CLDN16: variants seen among roughly 807,000 people sequenced by gnomAD.
CLDN16 encodes the protein claudin-16.
A neutral mutation model predicts 24.6 loss-of-function variants in CLDN16; 13 were observed. That is an observed-to-expected ratio of 0.53 (90% CI 0.34 to 0.84). The LOEUF is 0.84. CLDN16 is among the 40% of genes least tolerant of loss of function. The pLI is 0.01. For synonymous variants in CLDN16, 116 were observed against 106.7 expected (o/e 1.09, Z -0.54); for missense variants, 298 against 292.7 (o/e 1.02, Z -0.13).
chr3:190,398,002 G>A (rs1057465897), intron 1 of CLDN16, among the ~76,000 whole-genome samples: 1 of 152,178 alleles, frequency 6.6e-6, no homozygotes, highest in Non-Finnish European at 1.5e-5. Context: ...TTGTTTCAGT[G>A]GCTGGCTTAT....
At chr3:190,306,359 A>T in the CLDN16 span, 29 of 152,360 alleles carry the variant, frequency 1.9e-4, 1 homozygote, top group Admixed American at 1.6e-3. Flanking sequence ...CACTTGAGAG[A>T]CTGGTTAAGG....
At chr3:190,371,920 C>T (rs984273943) in intron 2 of CLDN16, among the ~76,000 whole-genome samples, 1 of 151,916 alleles carries the variant, frequency 6.6e-6, no homozygotes. Flanking sequence ...GAACATCTAC[C>T]TGGCTGGGCT....
chr3:190,290,479 C>A, the CLDN16 span, among the ~76,000 whole-genome samples: 4 of 152,120 alleles, frequency 2.6e-5, no homozygotes, highest in African/African-American at 4.8e-5. Flanking sequence ...CTCTTTCAGT[C>A]CTAGGTGGAA....
At chr3:190,295,631 T>C in the CLDN16 span, among the ~76,000 whole-genome samples, 1 of 152,166 alleles carries the variant, frequency 6.6e-6, no homozygotes, top group Non-Finnish European at 1.5e-5. Context: ...GATCAGTACT[T>C]GAACTCAGAA....
At chr3:190,344,379 G>A (rs1717506199) in intron 1 of CLDN16, among the ~76,000 whole-genome samples, 1 of 151,668 alleles carries the variant, frequency 6.6e-6, no homozygotes, top group Admixed American at 6.6e-5. Context: ...CAGATAAATT[G>A]CTATTAAATA....
chr3:190,296,758 G>A, the CLDN16 span, among the ~76,000 whole-genome samples: 1,255 of 151,858 alleles, frequency 8.3e-3, 26 homozygotes, highest in African/African-American at 0.029. Context: ...CACCGTGTTA[G>A]CCAGGATGGT....
intron 1 of CLDN16, among the ~76,000 whole-genome samples, chr3:190,390,541 A>C (rs1718623904): frequency 6.6e-6 from 1 of 151,968 alleles, no homozygotes; most frequent in African/African-American, 2.4e-5. Flanking sequence ...TTAAAAAAGA[A>C]GAAGAAGAAG....
At chr3:190,312,855 G>C in the CLDN16 span, 1 of 1,613,494 alleles carries the variant, frequency 6.2e-7, no homozygotes, top group Non-Finnish European at 8.5e-7. Context: ...GTGAAAGGGG[G>C]GCACAGCCTC....
At chr3:190,336,219 C>A (rs1272849496) in intron 1 of CLDN16, among the ~76,000 whole-genome samples, 1 of 152,114 alleles carries the variant, frequency 6.6e-6, no homozygotes, top group African/African-American at 2.4e-5. Context: ...GCATGTTGAG[C>A]CGGTGAACCA....
chr3:190,404,712 T>G (rs759261565), intron 2 of CLDN16, 50 bp from the exon 3 acceptor site: 3 of 1,592,612 alleles, frequency 1.9e-6, no homozygotes, highest in African/African-American at 1.3e-5. Flanking sequence ...TGTGAGTTAA[T>G]ATGGTTCCTT....
rs977137021 is a variant in CLDN16, at chr3:190,388,366, G to A, written c.37G>A (p.Ala13Thr). ...DLLQYIACFF[A>T]FFSAGFLIVA... is the part of the protein sequence containing the mutation. ...TCTTCAATACATCGCTTGCTTCTTTGCCTTTTTCTCTGCTGGGTTTTTGAT... is the reference window on the plus strand; with the variant it reads ...TCTTCAATACATCGCTTGCTTCTTTACCTTTTTCTCTGCTGGGTTTTTGAT... The change falls in exon 1 of 5, where the codon GCC (alanine) becomes ACC (threonine). Residue 13 changes from alanine to threonine, a missense_variant. Ala to Thr is a moderately conservative substitution (Grantham distance 58). Coordinates refer to ENST00000264734, the MANE Select transcript of CLDN16 (RefSeq NM_006580.4). 3 of 1,613,844 alleles carry A rather than the reference G, an allele frequency of 1.9e-6. No individual in the cohort carries two copies. Among genetic ancestry groups the A allele is most frequent in the African/African-American group, 2.7e-5 (2 of 74,870 alleles).
the CLDN16 span, among the ~76,000 whole-genome samples, chr3:190,292,118 C>T: frequency 6.6e-6 from 1 of 152,294 alleles, no homozygotes; most frequent in Admixed American, 6.5e-5. Flanking sequence ...TCCAACCCCA[C>T]ATTTATTTCC....
At chr3:190,373,889 C>A (rs1037922460) in intron 2 of CLDN16, among the ~76,000 whole-genome samples, 1 of 151,218 alleles carries the variant, frequency 6.6e-6, no homozygotes, top group Non-Finnish European at 1.5e-5. Context: ...GGTGGTCTGG[C>A]AAGAGACCTG....
At chr3:190,402,584 G>A in intron 2 of CLDN16, 145 bp downstream of exon 2, 5 of 700,256 alleles carry the variant, frequency 7.1e-6, no homozygotes, top group Admixed American at 2.0e-5. Flanking sequence ...AGCTCATCTC[G>A]GAAATGTGAA....
At chr3:190,390,715 C>T (rs962187340) in intron 1 of CLDN16, among the ~76,000 whole-genome samples, 9 of 152,126 alleles carry the variant, frequency 5.9e-5, no homozygotes, top group Non-Finnish European at 1.2e-4. Context: ...AGCTCAATTG[C>T]TCTTCTCTTT....
At chr3:190,356,259 A>C (rs2093196483) in intron 1 of CLDN16, among the ~76,000 whole-genome samples, 1 of 151,776 alleles carries the variant, frequency 6.6e-6, no homozygotes, top group Non-Finnish European at 1.5e-5. Flanking sequence ...ACAAGCTTGA[A>C]TATGTCTCTA....
intron 1 of CLDN16, among the ~76,000 whole-genome samples, chr3:190,367,899 C>T (rs890337874): frequency 6.6e-6 from 1 of 151,878 alleles, no homozygotes; most frequent in African/African-American, 2.4e-5. Context: ...CCTTTCCTTC[C>T]CAAAAGTCTC....
chr3:190,331,461 G>A (rs1381213351), intron 1 of CLDN16, among the ~76,000 whole-genome samples: 1 of 152,120 alleles, frequency 6.6e-6, no homozygotes. Flanking sequence ...GGCCCTAACT[G>A]CATTGTCCAA....
intron 1 of CLDN16, among the ~76,000 whole-genome samples, chr3:190,393,188 G>A (rs1718722983): frequency 6.6e-6 from 1 of 152,086 alleles, no homozygotes; most frequent in South Asian, 2.1e-4. Flanking sequence ...TTGGAGGGGT[G>A]GTGATGTTAC....
Sources: gnomAD v4.1 joint callset for allele counts (sites outside exome capture counted in the v4.1 genomes callset) on GRCh38, gnomAD v4.1.1 for gene constraint, MANE v1.5 for transcripts, NCBI Gene and HGNC (gene_info 2026-07-23, HGNC 2026-07-21) for gene names.